The following DNAH7 variants were observed in gnomAD, a reference collection of about 807,000 sequenced individuals.
DNAH7 encodes axonemal beta dynein heavy chain 7.
DNAH7 carries 397 observed loss-of-function variants against 444.6 expected under a neutral mutation model. The ratio of observed to expected loss-of-function variants is 0.89; its 90% confidence interval spans 0.82 to 0.97. DNAH7 has a LOEUF of 0.97. DNAH7 is among the 50% of genes least tolerant of loss of function. The pLI is 0.00. For missense variants in DNAH7, 4,902 were observed against 4,800.8 expected (o/e 1.02, Z -0.62); for synonymous variants, 1,636 against 1,624.4 (o/e 1.01, Z -0.17).
chr2:195,761,874 C>A (rs1348988829), intron 61 of DNAH7, among the ~76,000 whole-genome samples: 1 of 152,072 alleles, frequency 6.6e-6, no homozygotes, highest in South Asian at 2.1e-4. Flanking sequence ...TGTAAATGAG[C>A]AATAAGAAAT....
In DNAH7 at chr2:195,853,469, A is replaced by T. The variant is rs1356628338; in HGVS notation, c.8655T>A (p.Gly2885=). 6.2e-7 allele frequency: 1 copy of T among 1,613,906 alleles called. No homozygotes were observed. The highest frequency in any genetic ancestry group is 8.5e-7 in the Non-Finnish European group (1 of 1,179,964). The change falls in exon 46 of 65, where the codon GGT becomes GGA. Residue 2885 remains glycine, a synonymous_variant. Transcript: ENST00000312428. ...CTGTGTGGCTCCATCGAGTTTTCTC[A>T]CCTCCAAGGCCTCCAATCAACTGTT... is the stretch of plus-strand genomic sequence containing the variant. ...RAEQLIGGLG[G]EKTRWSHTAL... is the part of the protein sequence containing the mutation.
Position 195,853,407 on chromosome 2 carries a change from C to T in DNAH7, c.8717G>A (p.Gly2906Glu), listed in dbSNP as rs1699505946. The change falls in exon 46 of 65, where the codon GGG (glycine) becomes GAG (glutamate). Residue 2906 changes from glycine to glutamate, a missense_variant. Transcript: ENST00000312428. Reference protein sequence around the residue: ...ELGQLYINLTGDILISSGVVA... With the variant: ...ELGQLYINLTEDILISSGVVA... ...CACTCCGGAGGAAATGAGGATATCC[C>T]CAGTCAAGTTGATGTACAGCTGACC... 2.5e-6 allele frequency: 4 copies of T among 1,614,034 alleles called. No homozygotes were observed. The highest frequency in any genetic ancestry group is 2.5e-6 in the Non-Finnish European group (3 of 1,179,990).
chr2:195,955,456 CATG>C (rs1302214720), intron 19 of DNAH7, among the ~76,000 whole-genome samples: 1 of 152,110 alleles, frequency 6.6e-6, no homozygotes, highest in Non-Finnish European at 1.5e-5. Context: ...AGTCAGGTAG[CATG>C]ATGCCTCCAG....
rs1232002226 is a variant in DNAH7 at position 196,047,403 on chromosome 2, G to C, written c.347C>G (p.Ser116Cys). Reference protein sequence around the residue: ...GPSTSKSKGKSPHKERENFRS... With the variant: ...GPSTSKSKGKCPHKERENFRS... ...AAAGTTTTCTCGTTCTTTATGTGGA[G>C]ATTTGCCCTTTGATTTGGAAGTAGA... The change falls in exon 5 of 65, where the codon TCT becomes TGT. Residue 116 changes from serine to cysteine, a missense_variant. Coordinates refer to ENST00000312428, the MANE Select transcript of DNAH7 (RefSeq NM_018897.3). 6.2e-7 allele frequency: 1 copy of C among 1,601,164 alleles called. No individual in the cohort carries two copies. The highest frequency in any genetic ancestry group is 1.3e-5 in the African/African-American group (1 of 74,418).
chr2:195,786,695 C>A (rs1051951931), intron 58 of DNAH7, among the ~76,000 whole-genome samples: 5 of 151,212 alleles, frequency 3.3e-5, no homozygotes, highest in Admixed American at 6.6e-5. Flanking sequence ...CATTTTGGAA[C>A]CTGGTTAATA....
In DNAH7 at chr2:195,895,230, G is replaced by A; in HGVS notation, c.4648-6C>T. 1 of 1,586,812 alleles carries A rather than the reference G, an allele frequency of 6.3e-7. No individual in the cohort carries two copies. Among genetic ancestry groups the A allele is most frequent in the Non-Finnish European group, 8.6e-7 (1 of 1,160,272 alleles). On this transcript the variant is annotated splice_polypyrimidine_tract_variant and splice_region_variant and intron_variant, in intron 29 of 64. Coordinates refer to ENST00000312428, the MANE Select transcript of DNAH7 (RefSeq NM_018897.3). The stretch of plus-strand genomic sequence containing the variant: ...AACAAATCCGAAGTAATTCCCTGAT[G>A]ATAGATGATTTGAAGGATTTACATT...
At chr2:196,055,320 A>C (rs1163793370) in intron 2 of DNAH7, among the ~76,000 whole-genome samples, 1 of 152,126 alleles carries the variant, frequency 6.6e-6, no homozygotes, top group East Asian at 1.9e-4. Flanking sequence ...TCCAGCCTGG[A>C]CAACACAGCA....
At chr2:196,012,932 AT>A in intron 9 of DNAH7, 26 bp from the exon 10 acceptor site, 1 of 1,424,412 alleles carries the variant, frequency 7.0e-7, no homozygotes, top group Non-Finnish European at 9.3e-7. Flanking sequence ...ATAAACAGTA[AT>A]TTAACAATGA....
intron 18 of DNAH7, among the ~76,000 whole-genome samples, chr2:195,957,687 C>T (rs1474212581): frequency 6.7e-6 from 1 of 150,112 alleles, no homozygotes; most frequent in Non-Finnish European, 1.5e-5. Flanking sequence ...ATATAATATT[C>T]CAATTTCCAT....
At chr2:195,932,740 G>A (rs935196869) in intron 21 of DNAH7, among the ~76,000 whole-genome samples, 2 of 152,102 alleles carry the variant, frequency 1.3e-5, no homozygotes, top group African/African-American at 4.8e-5. Context: ...TGTGTGTGTC[G>A]AACCAGCCTT....
intron 57 of DNAH7, among the ~76,000 whole-genome samples, chr2:195,793,857 T>C (rs1238749953): frequency 6.6e-6 from 1 of 152,158 alleles, no homozygotes; most frequent in Non-Finnish European, 1.5e-5. Flanking sequence ...ATGAAAGCAG[T>C]GGGTGGTTTC....
At chr2:195,848,342 G>A (rs1326107786) in intron 46 of DNAH7, among the ~76,000 whole-genome samples, 2 of 152,230 alleles carry the variant, frequency 1.3e-5, no homozygotes, top group Non-Finnish European at 2.9e-5. Flanking sequence ...CACCATGCCA[G>A]GTTATGCATC....
intron 60 of DNAH7, among the ~76,000 whole-genome samples, chr2:195,772,499 T>C (rs996728624): frequency 2.0e-5 from 3 of 152,130 alleles, no homozygotes; most frequent in African/African-American, 7.2e-5. Context: ...TTTATATTTA[T>C]GGTGGCATTG....
At chr2:195,885,429 C>T (rs533685778) in intron 34 of DNAH7, among the ~76,000 whole-genome samples, 1 of 152,296 alleles carries the variant, frequency 6.6e-6, no homozygotes, top group East Asian at 1.9e-4. Context: ...AGATTCTGGA[C>T]TATGCTCATA....
At chr2:195,993,687 G>C (rs1693498640) in intron 12 of DNAH7, among the ~76,000 whole-genome samples, 1 of 152,230 alleles carries the variant, frequency 6.6e-6, no homozygotes, top group African/African-American at 2.4e-5. Flanking sequence ...CTGGGACACA[G>C]AGTCCAGAGC....
chr2:196,050,866 C>T (rs1697422277), intron 3 of DNAH7, among the ~76,000 whole-genome samples: 1 of 152,190 alleles, frequency 6.6e-6, no homozygotes, highest in South Asian at 2.1e-4. Context: ...TAAGTGACTC[C>T]CCAAAGGGCA....
intron 61 of DNAH7, among the ~76,000 whole-genome samples, chr2:195,756,555 C>T (rs1219354716): frequency 6.6e-6 from 1 of 151,910 alleles, no homozygotes; most frequent in Non-Finnish European, 1.5e-5. Flanking sequence ...TCTCTATTGC[C>T]CAGGCTGGAG....
At chr2:195,963,566 C>T (rs1310500786) in intron 17 of DNAH7, among the ~76,000 whole-genome samples, 1 of 152,140 alleles carries the variant, frequency 6.6e-6, no homozygotes, top group African/African-American at 2.4e-5. Flanking sequence ...TGGGTTGTCT[C>T]TTCATGTTGT....
chr2:195,962,160 G>A (rs1370851207), intron 17 of DNAH7, among the ~76,000 whole-genome samples: 7 of 152,300 alleles, frequency 4.6e-5, no homozygotes, highest in East Asian at 3.9e-4. Flanking sequence ...CATGGGTTAC[G>A]AGGTTACTTA....
Sources: allele counts gnomAD v4.1 joint callset (sites outside exome capture counted in the v4.1 genomes callset), GRCh38; gene constraint gnomAD v4.1.1; transcripts MANE v1.5; gene names NCBI Gene and HGNC (gene_info 2026-07-23, HGNC 2026-07-21).